CCAR1: variants seen among roughly 807,000 people sequenced by gnomAD.
CCAR1 encodes the protein cell division cycle and apoptosis regulator 1.
In CCAR1, 78 loss-of-function variants were observed where a neutral mutation model predicts 163.8. The ratio of observed to expected loss-of-function variants is 0.48; its 90% CI spans 0.40 to 0.57. The LOEUF (loss-of-function observed/expected upper bound fraction) is 0.57, where lower values mean the gene tolerates loss of function less well. CCAR1 is among the 20% of genes least tolerant of loss of function. CCAR1 has a pLI of 0.00. For missense variants in CCAR1, 1,019 were observed against 1,365.2 expected, an observed-to-expected ratio of 0.75 and a Z score of 4.00; for synonymous variants, 443 against 460.7, an observed-to-expected ratio of 0.96 and a Z score of 0.49.
In CCAR1 at chr10:68,786,167, T is replaced by C; in HGVS notation, c.2682T>C (p.Asp894=). ...DRDEEEMTKR[D]DKRDINRYCK... is the part of the protein sequence containing the mutation. ...ATGAGGAAGAAATGACCAAACGAGA[T>C]GACAAAAGAGATATCAACAGATACT... is the stretch of plus-strand genomic sequence containing the variant. Residue 894 remains aspartate (D), a synonymous_variant, in exon 20 of 25, where the codon GAT becomes GAC. Transcript: ENST00000265872. 1 of 1,612,828 alleles carries C rather than the reference T, an allele frequency of 6.2e-7. No homozygotes were observed. The highest frequency in any genetic ancestry group is 8.5e-7 in the Non-Finnish European group (1 of 1,179,144).
intron 13 of CCAR1, 148 bp downstream of exon 13, chr10:68,755,684 GTTTA>G: frequency 1.8e-6 from 1 of 563,360 alleles, no homozygotes; most frequent in Non-Finnish European, 3.0e-6. Context: ...TGTAGCTAAA[GTTTA>G]TTTGGTGCCA....
At position 68,749,571 on chromosome 10, in the gene CCAR1, A is replaced by C. The variant is rs1226847583; in HGVS notation, c.1004A>C (p.Gln335Pro). The C allele has an allele frequency of 1.9e-6, 3 of 1,614,026 alleles. No homozygotes were observed. The highest frequency in any genetic ancestry group is 2.5e-6 in the Non-Finnish European group (3 of 1,179,962). The change falls in exon 10 of 25, where the codon CAG becomes CCG. Residue 335 changes from glutamine to proline, a missense_variant. By Grantham distance (76) the Gln-to-Pro change is moderately conservative. Around this residue, in one of 4 missense-constraint regions of CCAR1, gnomAD observed 644 missense variants for 904.4 expected, o/e 0.71. Coordinates refer to ENST00000265872, the MANE Select transcript of CCAR1 (RefSeq NM_018237.4). ...ERRRSRERSP[Q>P]RKRSRERSPR... The stretch of plus-strand genomic sequence containing the variant: ...CGTAGATCGAGAGAAAGATCACCTC[A>C]GAGGAAACGTTCCCGGGAAAGATCT...
At chr10:68,722,689 C>A in intron 2 of CCAR1, 112 bp downstream of exon 2, 2 of 762,922 alleles carry the variant, frequency 2.6e-6, no homozygotes, top group South Asian at 1.6e-5. Flanking sequence ...CTTTGGGAAG[C>A]GGAGGAGGTG....
chr10:68,742,422 C>A lies in CCAR1; in HGVS notation c.371C>A (p.Pro124Gln). ...PTSLSLSTPQ[P>Q]TAQITVSYPT... ...AGCCTTAGCCTGTCTACTCCTCAGC[C>A]AACAGCACAAATAACTGTATCATAT... Residue 124 changes from proline (P) to glutamine (Q), a missense_variant, in exon 6 of 25, where the codon CCA (proline) becomes CAA (glutamine). Physicochemically the swap from Pro to Gln is moderately conservative, Grantham distance 76. This residue lies in a region of CCAR1 where 644 missense variants were observed against 904.4 expected (regional missense o/e 0.71). Transcript: ENST00000265872. The A allele has an allele frequency of 6.2e-7, 1 of 1,614,088 alleles. No homozygotes were observed. Among genetic ancestry groups the A allele is most frequent in the Non-Finnish European group, 8.5e-7 (1 of 1,179,988 alleles).
chr10:68,786,543 T>C lies in CCAR1; in HGVS notation c.2734-3T>C. The C allele has an allele frequency of 6.4e-7, 1 of 1,554,226 alleles. No individual in the cohort carries two copies. Among genetic ancestry groups the C allele is most frequent in the East Asian group, 2.3e-5 (1 of 43,758 alleles). ...TATGTTTTCTACTTCTCCATTTTCT[T>C]AGGAAAAAGAAAAGACTCAAATGAT... On this transcript the variant is annotated splice_polypyrimidine_tract_variant and splice_region_variant and intron_variant, in intron 20 of 24. Coordinates refer to ENST00000265872, the MANE Select transcript of CCAR1 (RefSeq NM_018237.4).
intron 11 of CCAR1, among the ~76,000 whole-genome samples, 184 bp from the exon 12 acceptor site, chr10:68,754,530 G>A (rs923681162): frequency 2.6e-5 from 4 of 152,184 alleles, no homozygotes; most frequent in African/African-American, 9.7e-5. Context: ...CTGGCGTGGT[G>A]GCTCACGCCT....
At position 68,727,754 on chromosome 10, in the gene CCAR1, A is replaced by G. The variant is rs185222421; in HGVS notation, c.73+5177A>G. Among the ~76,000 whole-genome samples the G allele has an allele frequency of 2.9e-3, 448 of 152,302 alleles. 3 individuals are homozygous for G. The highest frequency in any genetic ancestry group is 1.0e-2 in the African/African-American group (415 of 41,578). On this transcript the variant is annotated intron_variant, in intron 2 of 24. Transcript: ENST00000265872. ...AAAGAGACGTTGAGAGAAATGGCCAATGACTCACCAGTCAGTGACCAGTCA... is the reference window on the plus strand; with the variant it reads ...AAAGAGACGTTGAGAGAAATGGCCAGTGACTCACCAGTCAGTGACCAGTCA...
chr10:68,753,764 A>T (rs1470820814), intron 10 of CCAR1, 88 bp from the exon 11 acceptor site: 1 of 939,660 alleles, frequency 1.1e-6, no homozygotes, highest in East Asian at 2.4e-5. Context: ...ACTTTTTACT[A>T]TATCCAGTTA....
Position 68,747,445 on chromosome 10 carries a change from A to G in CCAR1, c.705A>G (p.Thr235=), listed in dbSNP as rs920997556. 2 of 1,613,956 alleles carry G rather than the reference A, an allele frequency of 1.2e-6. No individual in the cohort carries two copies. Among genetic ancestry groups the G allele is most frequent in the Non-Finnish European group, 1.7e-6 (2 of 1,179,986 alleles). The change falls in exon 8 of 25, where the codon ACA becomes ACG. Residue 235 remains threonine, a synonymous_variant. Coordinates refer to ENST00000265872, the MANE Select transcript of CCAR1 (RefSeq NM_018237.4). ...AVLQPIAPQT[T]FGVQTQPQPQ... is the part of the protein sequence containing the mutation. ...TTCAGCCAATTGCACCACAGACAAC[A>G]TTTGGTGTTCAGACTCAGCCCCAGC...
chr10:68,735,435 A>G (rs2056096684), intron 2 of CCAR1, among the ~76,000 whole-genome samples: 2 of 138,146 alleles, frequency 1.4e-5, no homozygotes, highest in Non-Finnish European at 1.5e-5. Context: ...AATCCCTCAT[A>G]GGATTATGGC....
At chr10:68,750,458 C>G (rs2056317258) in intron 10 of CCAR1, among the ~76,000 whole-genome samples, 1 of 152,094 alleles carries the variant, frequency 6.6e-6, no homozygotes, top group Non-Finnish European at 1.5e-5. Flanking sequence ...CTCCTAACCT[C>G]AAGTGATCCA....
intron 2 of CCAR1, among the ~76,000 whole-genome samples, chr10:68,727,505 C>A (rs1250592171): frequency 2.0e-5 from 3 of 152,116 alleles, no homozygotes; most frequent in Non-Finnish European, 2.9e-5. Flanking sequence ...TTTTCTCATT[C>A]GTCTGCAAAA....
intron 10 of CCAR1, among the ~76,000 whole-genome samples, chr10:68,749,926 T>A (rs1203743638): frequency 6.6e-6 from 1 of 152,202 alleles, no homozygotes; most frequent in East Asian, 1.9e-4. Context: ...TCCTCTGTCA[T>A]AACGTTATTC....
At chr10:68,737,498 CA>C (rs1200590065) in intron 3 of CCAR1, among the ~76,000 whole-genome samples, 1,684 of 64,476 alleles carry the variant, frequency 0.026, 27 homozygotes, top group African/African-American at 0.056. Flanking sequence ...ACCCTGTGTC[CA>C]AAAAAAAAAA....
intron 23 of CCAR1, among the ~76,000 whole-genome samples, chr10:68,789,144 C>G (rs1018712052): frequency 6.6e-6 from 1 of 151,032 alleles, no homozygotes; most frequent in East Asian, 2.0e-4. Context: ...CTCCTGACCT[C>G]GTGATCCGCC....
chr10:68,773,046 A>C lies in CCAR1; in HGVS notation c.2597A>C (p.Asn866Thr). Residue 866 changes from asparagine to threonine, a missense_variant, in exon 19 of 25, where the codon AAT becomes ACT. Around this residue, in one of 4 missense-constraint regions of CCAR1, gnomAD observed 358 missense variants for 406.4 expected, o/e 0.88. Coordinates refer to ENST00000265872, the MANE Select transcript of CCAR1 (RefSeq NM_018237.4). ...GATGATGAAACTGAAGAAGATAACAATCAAGATGAATATGACCCTATGGAA... is the reference window on the plus strand; with the variant it reads ...GATGATGAAACTGAAGAAGATAACACTCAAGATGAATATGACCCTATGGAA... Reference protein sequence around the residue: ...KDDDETEEDNNQDEYDPMEAE... With the variant: ...KDDDETEEDNTQDEYDPMEAE... 1 of 1,569,314 alleles carries C rather than the reference A, an allele frequency of 6.4e-7. No homozygotes were observed. Among genetic ancestry groups the C allele is most frequent in the Admixed American group, 1.8e-5 (1 of 55,506 alleles).
chr10:68,779,324 C>G (rs1366700262), intron 19 of CCAR1, among the ~76,000 whole-genome samples: 1 of 150,830 alleles, frequency 6.6e-6, no homozygotes, highest in Admixed American at 6.6e-5. Flanking sequence ...GTCGCGTGAT[C>G]TCGGCTCACT....
chr10:68,789,561 G>A (rs907163673), intron 23 of CCAR1, 149 bp from the exon 24 acceptor site: 2 of 584,072 alleles, frequency 3.4e-6, no homozygotes, highest in Non-Finnish European at 6.1e-6. Context: ...GAATATTGCA[G>A]TGTGCTTTAT....
At chr10:68,723,451 T>G (rs1460584093) in intron 2 of CCAR1, among the ~76,000 whole-genome samples, 3 of 152,026 alleles carry the variant, frequency 2.0e-5, no homozygotes. Flanking sequence ...TTTAATACCT[T>G]AGATTAACTT....
Sources: allele counts gnomAD v4.1 joint callset (sites outside exome capture counted in the v4.1 genomes callset), GRCh38; gene constraint gnomAD v4.1.1; regional missense constraint gnomAD v4.1.1; transcripts MANE v1.5; gene names NCBI Gene and HGNC (gene_info 2026-07-23, HGNC 2026-07-21).